The following GAL3ST1 variants were observed in gnomAD, a reference collection of about 807,000 sequenced individuals.
GAL3ST1 encodes the protein galactose-3-O-sulfotransferase 1, also known as galactosylceramide sulfotransferase.
A neutral mutation model predicts 25.0 loss-of-function variants in GAL3ST1; 13 were observed. That is an observed-to-expected ratio of 0.52 (90% CI 0.34 to 0.83). The LOEUF is 0.83. Among genes scored for constraint, GAL3ST1 ranks in the 40% least tolerant of loss-of-function variants. GAL3ST1 has a pLI of 0.02. For synonymous variants in GAL3ST1, 274 were observed against 277.8 expected (o/e 0.99, Z 0.14); for missense variants, 474 against 613.6 (o/e 0.77, Z 2.40).
intron 1 of GAL3ST1, among the ~76,000 whole-genome samples, chr22:30,573,211 G>A (rs943879289): frequency 6.6e-6 from 1 of 152,184 alleles, no homozygotes; most frequent in Non-Finnish European, 1.5e-5. Flanking sequence ...CCAGAGCTGA[G>A]GGTTTGGGGC....
chr22:30,571,801 T>A (rs539400681), intron 1 of GAL3ST1, among the ~76,000 whole-genome samples: 1 of 152,062 alleles, frequency 6.6e-6, no homozygotes, highest in Non-Finnish European at 1.5e-5. Context: ...GAGGCGGAGC[T>A]TGCAGTGAGC....
At chr22:30,557,586 G>A (rs2086120130) in intron 2 of GAL3ST1, 185 bp from the exon 3 acceptor site, 2 of 573,306 alleles carry the variant, frequency 3.5e-6, no homozygotes, top group South Asian at 5.2e-5. Context: ...GACAGCCCCA[G>A]GGTTGCAGAG....
In GAL3ST1 at chr22:30,559,429, T is replaced by C. The variant is rs186676799; in HGVS notation, c.-119-1041A>G. ...CTAATTTTTGTATTTTTAGTAGAGATGGAGTTTCACCATGTTGGCCAGGAT... is the reference window on the plus strand; with the variant it reads ...CTAATTTTTGTATTTTTAGTAGAGACGGAGTTTCACCATGTTGGCCAGGAT... On this transcript the variant is annotated intron_variant, in intron 1 of 3. Coordinates refer to ENST00000406361, the MANE Select transcript of GAL3ST1 (RefSeq NM_001318104.2). 3.6e-3 allele frequency among the ~76,000 whole-genome samples: 546 copies of C among 152,110 alleles called. 4 individuals carry two copies. The highest frequency in any genetic ancestry group is 0.012 in the African/African-American group (510 of 41,528).
In GAL3ST1 at chr22:30,554,844, G is replaced by A; in HGVS notation, c.*109C>T. 1.2e-6 allele frequency: 1 copy of A among 847,890 alleles called. No homozygotes were observed. Among genetic ancestry groups the A allele is most frequent in the East Asian group, 2.8e-5 (1 of 35,422 alleles). 52.5% of individuals were successfully genotyped at this position (847,890 alleles called of 1,614,324 possible). A position where few individuals can be genotyped will look rare whatever the true frequency, so the allele number is the denominator to read the frequency against. On this transcript the variant is annotated 3_prime_UTR_variant, in exon 4 of 4. Transcript: ENST00000406361. ...CCCAGGGAGCCCCCCCTCACCCCGG[G>A]GTCTGAGGTGGCACCAGGAGGGGGC...
rs566600580 is a variant in GAL3ST1, at chr22:30,567,160, A to G, written c.-120+7306T>C. Among the ~76,000 whole-genome samples the G allele has an allele frequency of 5.9e-5, 9 of 152,284 alleles. 1 individual carries two copies. The highest frequency in any genetic ancestry group is 2.2e-4 in the African/African-American group (9 of 41,560). ...TGATAAAAGCAGTATACTGAAAAAA[A>G]AATTCAAACAATACAGAAGAGTATA... On this transcript the variant is annotated intron_variant, in intron 1 of 3. Coordinates refer to ENST00000406361, the MANE Select transcript of GAL3ST1 (RefSeq NM_001318104.2).
At position 30,570,153 on chromosome 22, in the gene GAL3ST1, C is replaced by G. The variant is rs151310903; in HGVS notation, c.-120+4313G>C. On this transcript the variant is annotated intron_variant, in intron 1 of 3. Coordinates refer to ENST00000406361, the MANE Select transcript of GAL3ST1 (RefSeq NM_001318104.2). The stretch of plus-strand genomic sequence containing the variant: ...CACATCCGTGCTGTTTGCTCATATG[C>G]ACATACAGGAACAGGGCTCTGGCAG... Among the ~76,000 whole-genome samples, 4 of 152,310 alleles carry G rather than the reference C, an allele frequency of 2.6e-5. No individual in the cohort carries two copies. The East Asian group carries it at 7.7e-4, about 29-fold the overall frequency.
intron 1 of GAL3ST1, 106 bp downstream of exon 1, chr22:30,574,360 G>A (rs2086849238): frequency 6.6e-6 from 1 of 152,358 alleles, no homozygotes; most frequent in Non-Finnish European, 1.5e-5. Flanking sequence ...CCCCTCCTCC[G>A]GCGCGTGGTC....
intron 1 of GAL3ST1, among the ~76,000 whole-genome samples, chr22:30,561,994 G>T (rs1274636677): frequency 4.6e-5 from 7 of 152,224 alleles, no homozygotes; most frequent in African/African-American, 1.7e-4. Context: ...CTGAGGTCGG[G>T]AGAGGAGCTA....
intron 1 of GAL3ST1, among the ~76,000 whole-genome samples, chr22:30,570,535 G>A (rs144874229): frequency 0.016 from 2,395 of 152,280 alleles, 62 homozygotes; most frequent in African/African-American, 0.053. Flanking sequence ...GGTGGCTCAC[G>A]CCTGTAATCC....
chr22:30,560,115 C>G (rs2086307459), intron 1 of GAL3ST1, among the ~76,000 whole-genome samples: 1 of 152,158 alleles, frequency 6.6e-6, no homozygotes, highest in Non-Finnish European at 1.5e-5. Flanking sequence ...TGCACTTCAG[C>G]CTGGGTGACC....
At position 30,555,471 on chromosome 22, in the gene GAL3ST1, G is replaced by C. The variant is rs146846116; in HGVS notation, c.754C>G (p.Gln252Glu). ...ACCAGCGACTCGTCGAAGTACTCTT[G>C]AAGGAGCACCAGGTGGAAGCGACGC... Reference protein sequence around the residue: ...VERRFHLVLLQEYFDESLVLL... With the variant: ...VERRFHLVLLEEYFDESLVLL... The change falls in exon 4 of 4, where the codon CAA becomes GAA. Residue 252 changes from glutamine to glutamate, a missense_variant. Coordinates refer to ENST00000406361, the MANE Select transcript of GAL3ST1 (RefSeq NM_001318104.2). This position sits in a 1 kb window ranked among gnomAD's most constrained non-coding sequence, Gnocchi z 8.6. The C allele has an allele frequency of 2.5e-6, 4 of 1,613,414 alleles. No individual in the cohort carries two copies. The African/African-American group carries it at 5.3e-5, about 22-fold the overall frequency.
intron 1 of GAL3ST1, among the ~76,000 whole-genome samples, chr22:30,563,815 C>T (rs555884048): frequency 6.6e-6 from 1 of 151,472 alleles, no homozygotes; most frequent in African/African-American, 2.4e-5. Flanking sequence ...ACTCAGGAGG[C>T]TGAGGCAGGA....
Position 30,555,332 on chromosome 22 carries a change from G to T in GAL3ST1, c.893C>A (p.Thr298Asn), listed in dbSNP as rs780470566. 1.9e-6 allele frequency: 3 copies of T among 1,607,406 alleles called. No homozygotes were observed. The Admixed American group carries it at 5.0e-5, about 27-fold the overall frequency. ...RLSGELYGRA[T>N]AWNMLDSHLY... ...GTGGGAGTCCAGCATGTTCCAGGCG[G>T]TGGCGCGCCCATACAGCTCCCCCGA... is the stretch of plus-strand genomic sequence containing the variant. The change falls in exon 4 of 4, where the codon ACC (threonine) becomes AAC (asparagine). Residue 298 changes from threonine (T) to asparagine (N), a missense_variant. Thr to Asn is a moderately conservative substitution (Grantham distance 65). Around this residue, in one of 2 missense-constraint regions of GAL3ST1, gnomAD observed 359 missense variants for 504.4 expected, o/e 0.71. Coordinates refer to ENST00000406361, the MANE Select transcript of GAL3ST1 (RefSeq NM_001318104.2). This position sits in a 1 kb window ranked among gnomAD's most constrained non-coding sequence, Gnocchi z 8.6.
At chr22:30,571,812 C>T (rs372201727) in intron 1 of GAL3ST1, among the ~76,000 whole-genome samples, 157 of 152,160 alleles carry the variant, frequency 1.0e-3, no homozygotes, top group African/African-American at 3.6e-3. Context: ...TGCAGTGAGC[C>T]GAGATTGCAC....
At chr22:30,567,778 G>C (rs1406725940) in intron 1 of GAL3ST1, among the ~76,000 whole-genome samples, 1 of 152,162 alleles carries the variant, frequency 6.6e-6, no homozygotes, top group East Asian at 1.9e-4. Flanking sequence ...CTGCCCCCTG[G>C]GTTCAAGCAA....
chr22:30,568,441 G>C (rs16988790), intron 1 of GAL3ST1, among the ~76,000 whole-genome samples: 3,724 of 152,242 alleles, frequency 0.024, 151 homozygotes, highest in East Asian at 0.2. Context: ...CCCATTTACT[G>C]GATGAACGGG....
chr22:30,568,863 G>A (rs2086700523), intron 1 of GAL3ST1, among the ~76,000 whole-genome samples: 1 of 152,062 alleles, frequency 6.6e-6, no homozygotes, highest in African/African-American at 2.4e-5. Flanking sequence ...ATCACCTGAG[G>A]TTAGGGGTCC....
intron 1 of GAL3ST1, among the ~76,000 whole-genome samples, chr22:30,568,740 G>A (rs1247088745): frequency 6.6e-6 from 1 of 152,162 alleles, no homozygotes; most frequent in Admixed American, 6.5e-5. Flanking sequence ...GTGGGCAGGG[G>A]AGAGACTACA....
chr22:30,573,017 C>A (rs2086825521), intron 1 of GAL3ST1: 1 of 152,216 alleles, frequency 6.6e-6, no homozygotes. Context: ...TGCATGGGGA[C>A]CAGGCATTCT....
Sources: gnomAD v4.1 joint callset for allele counts (sites outside exome capture counted in the v4.1 genomes callset) on GRCh38, gnomAD v4.1.1 for gene constraint, gnomAD v4.1.1 regional missense constraint, Gnocchi (gnomAD v3.1) non-coding constraint, MANE v1.5 for transcripts, NCBI Gene and HGNC (gene_info 2026-07-23, HGNC 2026-07-21) for gene names.